The following TALDO1 variants were observed in gnomAD, a reference collection of about 807,000 sequenced individuals.
TALDO1 encodes the protein transaldolase 1.
In TALDO1, 29 loss-of-function variants were observed where a neutral mutation model predicts 38.1. The ratio of observed to expected loss-of-function variants is 0.76; its 90% CI spans 0.57 to 1.04. The LOEUF (loss-of-function observed/expected upper bound fraction) is 1.04, where lower values mean the gene tolerates loss of function less well. Ranked by LOEUF, TALDO1 falls within the 50% of genes least tolerant of loss-of-function variation. The pLI, the probability that TALDO1 is intolerant of heterozygous loss-of-function variation, is 0.00. For missense variants in TALDO1, 499 were observed against 438.1 expected, an observed-to-expected ratio of 1.14 and a Z score of -1.24; for synonymous variants, 207 against 176.8, an observed-to-expected ratio of 1.17 and a Z score of -1.36.
Position 762,306 on chromosome 11 carries a change from G to C in TALDO1, c.462-1038G>C, listed in dbSNP as rs563384266. 5.3e-5 allele frequency among the ~76,000 whole-genome samples: 8 copies of C among 152,266 alleles called. No individual in the cohort carries two copies. The South Asian group carries it at 1.7e-3, about 32-fold the overall frequency. The stretch of plus-strand genomic sequence containing the variant: ...ATGTTGGAAAATACTCCATTTTATG[G>C]ATAGGCCACAGTTATTCATCTGTTG... On this transcript the variant is annotated intron_variant, in intron 4 of 7. Coordinates refer to ENST00000319006, the MANE Select transcript of TALDO1 (RefSeq NM_006755.2).
rs193295705 is a variant in TALDO1, at chr11:763,670, G to C, written c.638-77G>C. 1.1e-4 allele frequency: 167 copies of C among 1,580,554 alleles called. No homozygotes were observed. The African/African-American group carries it at 2.0e-3, about 19-fold the overall frequency. On this transcript the variant is annotated intron_variant, in intron 5 of 7. Coordinates refer to ENST00000319006, the MANE Select transcript of TALDO1 (RefSeq NM_006755.2). ...AGGGGTGGCGGCTCAAGGTAGTGCA[G>C]CCGGCAGGCACTGGGAGGGCAGGTG...
chr11:764,875 C>A lies in TALDO1; in HGVS notation c.*30C>A, dbSNP rs200971004. 1.9e-6 allele frequency: 3 copies of A among 1,613,842 alleles called. No individual in the cohort carries two copies. The highest frequency in any genetic ancestry group is 2.5e-6 in the Non-Finnish European group (3 of 1,180,036). On this transcript the variant is annotated 3_prime_UTR_variant, in exon 8 of 8. Coordinates refer to ENST00000319006, the MANE Select transcript of TALDO1 (RefSeq NM_006755.2). ...TCCCTGAGGCTGGACTCCAGATCTG[C>A]ACCGCCGGCCAGCTGGGATCTGACT...
At chr11:755,837 A>G in intron 1 of TALDO1, 42 bp from the exon 2 acceptor site, 1 of 1,613,986 alleles carries the variant, frequency 6.2e-7, no homozygotes, top group Non-Finnish European at 8.5e-7. Flanking sequence ...AGTTGGAAGC[A>G]AGTACTCCAC....
intron 4 of TALDO1, among the ~76,000 whole-genome samples, chr11:762,393 A>G (rs1046466766): frequency 7.9e-5 from 12 of 152,030 alleles, no homozygotes; most frequent in South Asian, 2.1e-4. Flanking sequence ...GTCGGTTTCC[A>G]TTTCTCGGGC....
At chr11:764,556 T>G in intron 7 of TALDO1, 123 bp downstream of exon 7, 1 of 1,485,092 alleles carries the variant, frequency 6.7e-7, no homozygotes, top group Non-Finnish European at 9.2e-7. Context: ...TCACGTGCTG[T>G]CCAGCAAGTG....
chr11:762,423 C>A (rs570909239), intron 4 of TALDO1, among the ~76,000 whole-genome samples: 2 of 151,738 alleles, frequency 1.3e-5, no homozygotes, highest in Non-Finnish European at 2.9e-5. Flanking sequence ...TGCTGCTGCT[C>A]TGAACACATC....
At chr11:763,680 A>C in intron 5 of TALDO1, 67 bp from the exon 6 acceptor site, 1 of 1,588,454 alleles carries the variant, frequency 6.3e-7, no homozygotes. Context: ...GCCGGCAGGC[A>C]CTGGGAGGGC....
chr11:749,353 G>A (rs780038057), intron 1 of TALDO1, among the ~76,000 whole-genome samples: 6 of 131,696 alleles, frequency 4.6e-5, no homozygotes, highest in Non-Finnish European at 9.1e-5. Flanking sequence ...AGTGAGCCAA[G>A]ATCACACCAC....
chr11:761,492 C>G (rs944343515), intron 4 of TALDO1, among the ~76,000 whole-genome samples: 1 of 152,028 alleles, frequency 6.6e-6, no homozygotes, highest in African/African-American at 2.4e-5. Context: ...AGAGTGAGAC[C>G]CTGTCTCAGA....
At chr11:754,457 G>T (rs374167880) in intron 1 of TALDO1, among the ~76,000 whole-genome samples, 1 of 151,964 alleles carries the variant, frequency 6.6e-6, no homozygotes. Context: ...TACTGAATGC[G>T]ATATTTATTT....
At chr11:747,729 T>G in intron 1 of TALDO1, 151 bp downstream of exon 1, 1 of 695,398 alleles carries the variant, frequency 1.4e-6, no homozygotes. Context: ...GTGCCGGATG[T>G]TGGGGCCAGG....
At chr11:761,159 C>T (rs1247242806) in intron 4 of TALDO1, among the ~76,000 whole-genome samples, 1 of 152,016 alleles carries the variant, frequency 6.6e-6, no homozygotes, top group Non-Finnish European at 1.5e-5. Context: ...GATAGTGGAA[C>T]CCCGTCTCTA....
intron 2 of TALDO1, 121 bp downstream of exon 2, chr11:756,123 CCTAT>C: frequency 2.8e-6 from 4 of 1,405,588 alleles, no homozygotes; most frequent in East Asian, 2.5e-5. Flanking sequence ...GGAAAAAAAC[CCTAT>C]CTTTTTGCCT....
In TALDO1 at chr11:763,820, CT is replaced by C. The variant is rs757561650; in HGVS notation, c.713del (p.Phe238SerfsTer83). 6.2e-7 allele frequency: 1 copy of C among 1,614,104 alleles called. No individual in the cohort carries two copies. The highest frequency in any genetic ancestry group is 8.5e-7 in the Non-Finnish European group (1 of 1,180,040). ...ACAAAACCATTGTCATGGGCGCCTC[CT>C]TCCGCAACACGGGCGAGATCAAAGC... ...SYKTIVMGAS[F>X]RNTGEIKALA... is the part of the protein sequence containing the mutation. On this transcript the variant is annotated frameshift_variant, in exon 6 of 8. Coordinates refer to ENST00000319006, the MANE Select transcript of TALDO1 (RefSeq NM_006755.2). LOFTEE classifies it high-confidence loss of function.
chr11:763,578 G>C lies in TALDO1; in HGVS notation c.637+59G>C, dbSNP rs912957014. 4.4e-6 allele frequency: 7 copies of C among 1,606,430 alleles called. No individual in the cohort carries two copies. In the African/African-American group the frequency reaches 9.4e-5, roughly 22 times the overall value. On this transcript the variant is annotated intron_variant, in intron 5 of 7. Coordinates refer to ENST00000319006, the MANE Select transcript of TALDO1 (RefSeq NM_006755.2). ...AGCAGCCTCAGCAGCACCTCAGGCA[G>C]GAAGAGCCCGAGACGGAGCTGCCGC... is the stretch of plus-strand genomic sequence containing the variant.
At chr11:758,876 A>G in intron 2 of TALDO1, 74 bp from the exon 3 acceptor site, 1 of 1,228,930 alleles carries the variant, frequency 8.1e-7, no homozygotes, top group African/African-American at 1.5e-5. Flanking sequence ...AAGTGCTGGG[A>G]TTACAGGCGT....
intron 1 of TALDO1, among the ~76,000 whole-genome samples, chr11:751,409 G>T (rs1343426200): frequency 1.3e-5 from 2 of 152,108 alleles, no homozygotes; most frequent in African/African-American, 2.4e-5. Flanking sequence ...TGGCTCATGC[G>T]TATAATCCCC....
Position 755,972 on chromosome 11 carries a change from A to C in TALDO1, c.191A>C (p.Glu64Ala), listed in dbSNP as rs376926927. Residue 64 changes from glutamate (E) to alanine (A), a missense_variant, in exon 2 of 8, where the codon GAG becomes GCG. Glu to Ala is a moderately radical substitution (Grantham distance 107, BLOSUM62 -1). Coordinates refer to ENST00000319006, the MANE Select transcript of TALDO1 (RefSeq NM_006755.2). Reference protein sequence around the residue: ...QMPAYQELVEEAIAYGRKLGG... With the variant: ...QMPAYQELVEAAIAYGRKLGG... ...CCCGCTTACCAGGAGCTGGTGGAGG[A>C]GGCGATTGCCTATGGCCGGAAGCTG... 66 of 1,613,750 alleles carry C rather than the reference A, an allele frequency of 4.1e-5. 1 individual carries two copies. In the Admixed American group the frequency reaches 4.2e-4, roughly 10 times the overall value.
At chr11:751,187 C>A (rs760844559) in intron 1 of TALDO1, among the ~76,000 whole-genome samples, 8 of 152,042 alleles carry the variant, frequency 5.3e-5, no homozygotes, top group Admixed American at 1.3e-4. Flanking sequence ...CTCAGCCTCC[C>A]AAGTAGCTGG....
Sources: allele counts gnomAD v4.1 joint callset (sites outside exome capture counted in the v4.1 genomes callset), GRCh38; gene constraint gnomAD v4.1.1; transcripts MANE v1.5; gene names NCBI Gene and HGNC (gene_info 2026-07-23, HGNC 2026-07-21).